HERC1: variants seen among roughly 807,000 people sequenced by gnomAD.
HERC1 encodes the protein probable E3 ubiquitin-protein ligase HERC1.
HERC1 carries 160 observed loss-of-function variants against 554.3 expected under a neutral mutation model. The observed-to-expected ratio is 0.29, with a 90% confidence interval of 0.25 to 0.33. The LOEUF (loss-of-function observed/expected upper bound fraction) is 0.33, where lower values mean the gene tolerates loss of function less well. HERC1 is among the 10% of genes least tolerant of loss of function. The pLI is 1.00. For missense variants in HERC1, 4,919 were observed against 5,918.5 expected, an observed-to-expected ratio of 0.83 and a Z score of 5.54; for synonymous variants, 2,175 against 2,131.7, an observed-to-expected ratio of 1.02 and a Z score of -0.56.
intron 2 of HERC1, among the ~76,000 whole-genome samples, chr15:63,771,605 T>TA (rs1241829785): frequency 6.6e-6 from 1 of 151,910 alleles, no homozygotes; most frequent in Non-Finnish European, 1.5e-5. Context: ...CTAATTTTTT[T>TA]ATTTTTAATA....
intron 24 of HERC1, among the ~76,000 whole-genome samples, chr15:63,709,070 A>G (rs1445707037): frequency 2.0e-5 from 3 of 151,740 alleles, no homozygotes; most frequent in Non-Finnish European, 4.4e-5. Flanking sequence ...GCTCACTATA[A>G]CCTCCGCCTC....
chr15:63,683,342 T>C (rs1254878743), intron 34 of HERC1, among the ~76,000 whole-genome samples: 1 of 152,110 alleles, frequency 6.6e-6, no homozygotes, highest in African/African-American at 2.4e-5. Context: ...TGTCTATAAC[T>C]GGTGGGTTTT....
chr15:63,678,690 A>T (rs1225442005), intron 36 of HERC1, among the ~76,000 whole-genome samples: 1 of 152,174 alleles, frequency 6.6e-6, no homozygotes, highest in South Asian at 2.1e-4. Flanking sequence ...AGCCTTAAGG[A>T]TATACTCATT....
rs757501590 is a variant in HERC1 at position 63,756,378 on chromosome 15, T to C, written c.1533+59A>G. The stretch of plus-strand genomic sequence containing the variant: ...AGAACACATCAAAATCTGAACGACA[T>C]TGTCAATTACAACTCCAATGCATCT... On this transcript the variant is annotated intron_variant, in intron 5 of 77. Transcript: ENST00000443617. This position sits in a 1 kb window ranked among gnomAD's most constrained non-coding sequence, Gnocchi z 5.0. 1.4e-5 allele frequency: 20 copies of C among 1,381,936 alleles called. No individual in the cohort carries two copies. Among genetic ancestry groups the C allele is most frequent in the Non-Finnish European group, 1.7e-5 (17 of 999,944 alleles). 85.6% of individuals were successfully genotyped at this position (1,381,936 alleles called of 1,614,324 possible).
At chr15:63,641,363 C>T (rs773982639) in intron 60 of HERC1, 107 bp downstream of exon 60, 1 of 918,648 alleles carries the variant, frequency 1.1e-6, no homozygotes, top group Non-Finnish European at 1.5e-6. Flanking sequence ...AATAGCCCCA[C>T]TTATTATCCT....
At chr15:63,709,046 G>C (rs1218320983) in intron 24 of HERC1, among the ~76,000 whole-genome samples, 1 of 152,174 alleles carries the variant, frequency 6.6e-6, no homozygotes, top group Non-Finnish European at 1.5e-5. Flanking sequence ...CTGGAGTGCA[G>C]TGGCGCCATC....
intron 1 of HERC1, among the ~76,000 whole-genome samples, chr15:63,796,932 T>C (rs373270295): frequency 7.9e-5 from 12 of 152,310 alleles, no homozygotes; most frequent in East Asian, 3.9e-4. Context: ...GTTCTATCAG[T>C]AATTCCAAAA....
intron 5 of HERC1, among the ~76,000 whole-genome samples, 172 bp from the exon 6 acceptor site, chr15:63,755,497 A>G (rs1190512186): frequency 6.6e-6 from 1 of 152,232 alleles, no homozygotes; most frequent in Non-Finnish European, 1.5e-5. Context: ...CTAAGAGTTC[A>G]AGTAAGTGCT....
At chr15:63,783,556 A>C (rs1397686628) in intron 1 of HERC1, among the ~76,000 whole-genome samples, 1 of 152,228 alleles carries the variant, frequency 6.6e-6, no homozygotes, top group Non-Finnish European at 1.5e-5. Context: ...CTTTACTATG[A>C]CATTGGCTTT....
At chr15:63,753,706 T>A (rs1443725027) in intron 7 of HERC1, among the ~76,000 whole-genome samples, 2 of 152,208 alleles carry the variant, frequency 1.3e-5, no homozygotes, top group Non-Finnish European at 2.9e-5. Context: ...TAGGAGTGAC[T>A]AATTAAAGTA....
chr15:63,753,991 A>C (rs1255614321), intron 7 of HERC1, among the ~76,000 whole-genome samples: 1 of 151,988 alleles, frequency 6.6e-6, no homozygotes, highest in Admixed American at 6.6e-5. Context: ...CTGGGCAATA[A>C]AGCAAAATCC....
At chr15:63,626,902 T>TA (rs1203431781) in intron 70 of HERC1, among the ~76,000 whole-genome samples, 1 of 152,234 alleles carries the variant, frequency 6.6e-6, no homozygotes, top group Non-Finnish European at 1.5e-5. Context: ...TGGGGCCACT[T>TA]ACTTCTACAG....
intron 2 of HERC1, among the ~76,000 whole-genome samples, chr15:63,768,794 G>A (rs1292070750): frequency 1.3e-5 from 2 of 152,210 alleles, no homozygotes; most frequent in African/African-American, 4.8e-5. Flanking sequence ...GTCTCATCCT[G>A]AGATGGGAAT....
intron 33 of HERC1, among the ~76,000 whole-genome samples, chr15:63,687,537 CAA>C (rs896111983): frequency 2.3e-5 from 3 of 130,664 alleles, no homozygotes; most frequent in Non-Finnish European, 1.7e-5. Context: ...GACTCTGTCT[CAA>C]AAAAAAAAAA....
intron 2 of HERC1, among the ~76,000 whole-genome samples, 172 bp downstream of exon 2, chr15:63,774,522 A>G (rs987904611): frequency 1.3e-5 from 2 of 152,188 alleles, no homozygotes; most frequent in Non-Finnish European, 2.9e-5. Context: ...TACCAACCAT[A>G]TATTATCAAC....
In HERC1 at chr15:63,651,242, A is replaced by G. The variant is rs537497525; in HGVS notation, c.10546+11T>C. 2.4e-5 allele frequency: 38 copies of G among 1,613,436 alleles called. No homozygotes were observed. Among genetic ancestry groups the G allele is most frequent in the South Asian group, 1.5e-4 (14 of 91,026 alleles). On this transcript the variant is annotated intron_variant, in intron 53 of 77. Transcript: ENST00000443617. ...CTTTCAGCAGTTTACTAGTGTTTAC[A>G]TGACTCTTACCATTAACTTGCCAGA...
chr15:63,746,948 C>T lies in HERC1; in HGVS notation c.2490G>A (p.Met830Ile). ...GGATTTCATCTGGGACAGTTGAGTC[C>T]ATCAGTCTGAAGAGCAAATTTCGAA... ...GPLRNLLFRL[M>I]DSTVPDEIQE... is the part of the protein sequence containing the mutation. Residue 830 changes from methionine to isoleucine, a missense_variant, in exon 12 of 78, where the codon ATG (methionine) becomes ATA (isoleucine). Physicochemically the swap from Met to Ile is conservative, Grantham distance 10. Transcript: ENST00000443617. 6.4e-7 allele frequency: 1 copy of T among 1,552,882 alleles called. No individual in the cohort carries two copies. Among genetic ancestry groups the T allele is most frequent in the South Asian group, 1.2e-5 (1 of 84,098 alleles).
chr15:63,775,652 G>T lies in HERC1; in HGVS notation c.-26-3C>A. On this transcript the variant is annotated splice_region_variant and splice_polypyrimidine_tract_variant and intron_variant, in intron 1 of 77. Transcript: ENST00000443617. This position sits in a 1 kb window ranked among gnomAD's most constrained non-coding sequence, Gnocchi z 4.0. ...GATTTATCCTTCAGCCATTAGTCCT[G>T]CAAAGGGAGAAGAGAAAACAGTCAA... 5.3e-6 allele frequency: 8 copies of T among 1,516,382 alleles called. No homozygotes were observed. Among genetic ancestry groups the T allele is most frequent in the Non-Finnish European group, 7.1e-6 (8 of 1,122,790 alleles). The allele number at this position is 1,516,382 out of a possible 1,614,324, so 93.9% of individuals were successfully genotyped here.
At chr15:63,700,077 A>G (rs2072633609) in intron 25 of HERC1, among the ~76,000 whole-genome samples, 1 of 152,072 alleles carries the variant, frequency 6.6e-6, no homozygotes, top group African/African-American at 2.4e-5. Flanking sequence ...CTAAAGTTTT[A>G]TTATCCTGAG....
Sources: gnomAD v4.1 joint callset for allele counts (sites outside exome capture counted in the v4.1 genomes callset) on GRCh38, gnomAD v4.1.1 for gene constraint, Gnocchi (gnomAD v3.1) non-coding constraint, MANE v1.5 for transcripts, NCBI Gene and HGNC (gene_info 2026-07-23, HGNC 2026-07-21) for gene names.